CBLN2: variants seen among roughly 807,000 people sequenced by gnomAD.
The protein encoded by CBLN2 is cerebellin 2 precursor.
A neutral mutation model predicts 15.0 loss-of-function variants in CBLN2; 7 were observed. The observed-to-expected ratio is 0.47, with a 90% CI of 0.27 to 0.88. The LOEUF is 0.88. Ranked by LOEUF, CBLN2 falls within the 40% of genes least tolerant of loss-of-function variation. The pLI, the probability that CBLN2 is intolerant of heterozygous loss-of-function variation, is 0.14. For missense variants in CBLN2, 242 were observed against 304.5 expected, an observed-to-expected ratio of 0.79 and a Z score of 1.53; for synonymous variants, 149 against 135.2, an observed-to-expected ratio of 1.10 and a Z score of -0.71.
At chr18:72,594,455 T>A (rs888178634) in intron 1 of CBLN2, among the ~76,000 whole-genome samples, 5 of 152,134 alleles carry the variant, frequency 3.3e-5, no homozygotes, top group East Asian at 1.9e-4. Flanking sequence ...TTTTTTTTTT[T>A]AATGTATCTT....
chr18:72,545,358 T>C (rs1371792305), upstream of CBLN2, among the ~76,000 whole-genome samples: 1 of 152,234 alleles, frequency 6.6e-6, no homozygotes. Flanking sequence ...TGCTTCCTGG[T>C]TAACCTAGCA....
At chr18:72,629,532 A>G (rs1395277790) in intron 1 of CBLN2, among the ~76,000 whole-genome samples, 1 of 152,168 alleles carries the variant, frequency 6.6e-6, no homozygotes, top group Non-Finnish European at 1.5e-5. Context: ...ACAGATTACA[A>G]TTGTTTTATG....
intron 1 of CBLN2, among the ~76,000 whole-genome samples, chr18:72,594,855 T>G (rs1391638651): frequency 6.6e-6 from 1 of 152,156 alleles, no homozygotes; most frequent in Non-Finnish European, 1.5e-5. Flanking sequence ...TCTGAATTTC[T>G]GTGGTATCAG....
chr18:72,614,044 G>A (rs1368595776), intron 1 of CBLN2, among the ~76,000 whole-genome samples: 1 of 152,094 alleles, frequency 6.6e-6, no homozygotes, highest in Non-Finnish European at 1.5e-5. Context: ...CCAAGATCAT[G>A]TTTTCTCTGT....
intron 1 of CBLN2, among the ~76,000 whole-genome samples, chr18:72,559,606 GTTGA>G (rs2069247439): frequency 6.6e-6 from 1 of 152,200 alleles, no homozygotes; most frequent in African/African-American, 2.4e-5. Flanking sequence ...TCAATATGGG[GTTGA>G]TTGTGTATTT....
intron 1 of CBLN2, among the ~76,000 whole-genome samples, chr18:72,591,235 C>G (rs1323428168): frequency 6.6e-6 from 1 of 152,052 alleles, no homozygotes; most frequent in East Asian, 1.9e-4. Flanking sequence ...TTATTTTACT[C>G]TAACTCAATT....
intron 1 of CBLN2, among the ~76,000 whole-genome samples, chr18:72,598,528 G>A (rs1442562419): frequency 1.3e-5 from 2 of 152,210 alleles, no homozygotes; most frequent in African/African-American, 2.4e-5. Context: ...CAGGGGTTAT[G>A]CAAGCACTCC....
chr18:72,607,699 C>CTCTCTCTT (rs2069592404), intron 1 of CBLN2, among the ~76,000 whole-genome samples: 1 of 152,032 alleles, frequency 6.6e-6, no homozygotes, highest in South Asian at 2.1e-4. Context: ...CTCTCTTTCT[C>CTCTCTCTT]TCTTTCTCTC....
chr18:72,604,311 T>A (rs1460083932), intron 1 of CBLN2, among the ~76,000 whole-genome samples: 3 of 152,202 alleles, frequency 2.0e-5, no homozygotes, highest in Non-Finnish European at 4.4e-5. Context: ...TTTCATAATT[T>A]TTTTTGTTAT....
chr18:72,617,363 GA>G (rs1377606054), intron 1 of CBLN2, among the ~76,000 whole-genome samples: 1 of 151,818 alleles, frequency 6.6e-6, no homozygotes, highest in African/African-American at 2.4e-5. Flanking sequence ...TTAAAATTAT[GA>G]AAAAAATGTA....
rs1300925402 is a variant in CBLN2, at chr18:72,537,214, A to G, written c.*962T>C. 2.6e-5 allele frequency: 4 copies of G among 152,174 alleles called. No homozygotes were observed. The highest frequency in any genetic ancestry group is 9.7e-5 in the African/African-American group (4 of 41,440). 9.4% of individuals were successfully genotyped at this position (152,174 alleles called of 1,614,324 possible). A position where few individuals can be genotyped will look rare whatever the true frequency, so the allele number is the denominator to read the frequency against. ...CTTATATGATTCAGGACCACTCAGG[A>G]ACACCAGGTTCTTAAAGGATTCTGA... On this transcript the variant is annotated 3_prime_UTR_variant, in exon 5 of 5. Coordinates refer to ENST00000269503, the MANE Select transcript of CBLN2 (RefSeq NM_182511.4).
At chr18:72,573,829 T>C (rs886909648) in intron 1 of CBLN2, among the ~76,000 whole-genome samples, 1 of 152,214 alleles carries the variant, frequency 6.6e-6, no homozygotes, top group Non-Finnish European at 1.5e-5. Flanking sequence ...CTGTCGCATC[T>C]TACGGTAAGT....
In CBLN2 at chr18:72,537,896, C is replaced by A. The variant is rs2069077729; in HGVS notation, c.*280G>T. Reference sequence around the variant, plus strand: ...TCCCAACAATAAAATCCGATATTGACTTTACAATCACAGGTACAAATTGCT... The same window carrying A: ...TCCCAACAATAAAATCCGATATTGAATTTACAATCACAGGTACAAATTGCT... On this transcript the variant is annotated 3_prime_UTR_variant, in exon 5 of 5. Transcript: ENST00000269503. 4.2e-6 allele frequency: 2 copies of A among 471,798 alleles called. No individual in the cohort carries two copies. Among genetic ancestry groups the A allele is most frequent in the Non-Finnish European group, 3.8e-6 (1 of 260,814 alleles). 29.2% of individuals were successfully genotyped at this position (471,798 alleles called of 1,614,324 possible).
intron 1 of CBLN2, among the ~76,000 whole-genome samples, chr18:72,605,754 A>T (rs888626667): frequency 2.6e-5 from 4 of 152,240 alleles, no homozygotes; most frequent in Non-Finnish European, 5.9e-5. Flanking sequence ...TCCTTAGGAG[A>T]GTTACTACTA....
intron 1 of CBLN2, among the ~76,000 whole-genome samples, chr18:72,562,006 A>G (rs2144894673): frequency 6.6e-6 from 1 of 152,338 alleles, no homozygotes; most frequent in East Asian, 1.9e-4. Flanking sequence ...TTCCCCTGTG[A>G]TAATTGATTA....
chr18:72,587,060 C>T (rs1177699701), intron 1 of CBLN2, among the ~76,000 whole-genome samples: 4 of 151,714 alleles, frequency 2.6e-5, no homozygotes, highest in African/African-American at 9.7e-5. Context: ...CATCAACATT[C>T]TAATAATATA....
chr18:72,595,210 G>A (rs920910198), intron 1 of CBLN2, among the ~76,000 whole-genome samples: 12 of 151,400 alleles, frequency 7.9e-5, no homozygotes, highest in African/African-American at 2.9e-4. Flanking sequence ...TGTATCCCAA[G>A]GTTTTGGTGC....
At chr18:72,582,683 G>T (rs1201322689) in intron 1 of CBLN2, among the ~76,000 whole-genome samples, 1 of 152,056 alleles carries the variant, frequency 6.6e-6, no homozygotes, top group Non-Finnish European at 1.5e-5. Context: ...AGATATCCAG[G>T]ACTGTTTAAG....
chr18:72,618,659 A>G, intron 1 of CBLN2: 1 of 845,156 alleles, frequency 1.2e-6, no homozygotes, highest in Non-Finnish European at 2.0e-6. Context: ...GGAAAAATCG[A>G]AGTGATTGAA....
Sources: allele counts gnomAD v4.1 joint callset (sites outside exome capture counted in the v4.1 genomes callset), GRCh38; gene constraint gnomAD v4.1.1; transcripts MANE v1.5; gene names NCBI Gene and HGNC (gene_info 2026-07-23, HGNC 2026-07-21).